The following PPIP5K2 variants were observed in gnomAD, a reference collection of about 807,000 sequenced individuals.
The protein encoded by PPIP5K2 is inositol hexakisphosphate and diphosphoinositol-pentakisphosphate kinase 2.
In PPIP5K2, 105 loss-of-function variants were observed where a neutral mutation model predicts 154.6. The observed-to-expected ratio is 0.68, with a 90% confidence interval of 0.58 to 0.80. The LOEUF is 0.80. Ranked by LOEUF, PPIP5K2 falls within the 30% of genes least tolerant of loss-of-function variation. The pLI, the probability that PPIP5K2 is intolerant of heterozygous loss-of-function variation, is 0.00. For synonymous variants in PPIP5K2, 480 were observed against 490.3 expected (o/e 0.98, Z 0.28); for missense variants, 992 against 1,504.6 (o/e 0.66, Z 5.64).
chr5:103,198,406 G>A (rs1554229273), intron 30 of PPIP5K2, among the ~76,000 whole-genome samples: 1 of 152,058 alleles, frequency 6.6e-6, no homozygotes, highest in East Asian at 1.9e-4. Flanking sequence ...GAAGGTTGTT[G>A]ATAATGTTCA....
At chr5:103,173,996 T>C (rs1414307126) in intron 21 of PPIP5K2, 24 bp downstream of exon 21, 16 of 1,456,278 alleles carry the variant, frequency 1.1e-5, no homozygotes, top group Non-Finnish European at 1.3e-5. Flanking sequence ...GTTATTTCAG[T>C]CTAACAAATA....
At chr5:103,121,487 T>C (rs538616745) in intron 1 of PPIP5K2, among the ~76,000 whole-genome samples, 1 of 152,350 alleles carries the variant, frequency 6.6e-6, no homozygotes, top group South Asian at 2.1e-4. Context: ...TCTGTCTGCC[T>C]TCAAAATCTG....
intron 29 of PPIP5K2, among the ~76,000 whole-genome samples, chr5:103,191,663 C>T (rs1554226984): frequency 6.6e-6 from 1 of 152,072 alleles, no homozygotes; most frequent in Non-Finnish European, 1.5e-5. Flanking sequence ...TATGGTAACA[C>T]ATTAAATATC....
intron 30 of PPIP5K2, among the ~76,000 whole-genome samples, chr5:103,197,939 T>A (rs1802370602): frequency 1.3e-5 from 2 of 151,994 alleles, no homozygotes; most frequent in Admixed American, 6.5e-5. Flanking sequence ...TAAAAATTAT[T>A]TTCTACATCC....
intron 23 of PPIP5K2, among the ~76,000 whole-genome samples, chr5:103,179,075 G>C (rs1483368044): frequency 1.3e-5 from 2 of 151,742 alleles, no homozygotes; most frequent in African/African-American, 4.8e-5. Context: ...TTATGTATAT[G>C]ATCATAACAT....
intron 5 of PPIP5K2, among the ~76,000 whole-genome samples, chr5:103,138,699 A>G (rs113784867): frequency 7.9e-4 from 121 of 152,356 alleles, no homozygotes; most frequent in African/African-American, 2.8e-3. Context: ...TACTTTTGAC[A>G]TATCTCTAAG....
At position 103,203,483 on chromosome 5, in the gene PPIP5K2, A is replaced by G. The variant is rs1285530080; in HGVS notation, c.*1849A>G. 6.6e-6 allele frequency: 1 copy of G among 152,202 alleles called. No individual in the cohort carries two copies. The allele number at this position is 152,202 out of a possible 1,614,324, so 9.4% of individuals were successfully genotyped here. A position where few individuals can be genotyped will look rare whatever the true frequency, so the allele number is the denominator to read the frequency against. On this transcript the variant is annotated 3_prime_UTR_variant, in exon 31 of 31. Coordinates refer to ENST00000358359, the MANE Select transcript of PPIP5K2 (RefSeq NM_001276277.3). ...ACACTCTATTTGTAAAAATCTTAGA[A>G]TCACTTTCCAAAACAAATAAAAAGT... is the stretch of plus-strand genomic sequence containing the variant.
chr5:103,149,088 T>C, intron 7 of PPIP5K2, 64 bp from the exon 8 acceptor site: 1 of 1,190,386 alleles, frequency 8.4e-7, no homozygotes. Context: ...TTGTTGTCTG[T>C]TGGTTACACA....
At position 103,187,349 on chromosome 5, in the gene PPIP5K2, A is replaced by G. The variant is rs116456167; in HGVS notation, c.3325A>G (p.Ile1109Val). The G allele has an allele frequency of 1.2e-3, 1,845 of 1,535,194 alleles. 2 individuals are homozygous for G. The highest frequency in any genetic ancestry group is 1.5e-3 in the Non-Finnish European group (1,663 of 1,146,182). Reference protein sequence around the residue: ...TRGSAVKRFSISFARHPTNGF... With the variant: ...TRGSAVKRFSVSFARHPTNGF... ...CGGTTCTGCTGTTAAAAGGTTTTCT[A>G]TCTCATTTGCTCGACACCCAACCAA... Residue 1109 changes from isoleucine (I) to valine (V), a missense_variant, in exon 28 of 31, where the codon ATC becomes GTC. By Grantham distance (29) the Ile-to-Val change is conservative. This residue lies in a region of PPIP5K2 where 29 missense variants were observed against 56.4 expected (regional missense o/e 0.51). Coordinates refer to ENST00000358359, the MANE Select transcript of PPIP5K2 (RefSeq NM_001276277.3).
Position 103,159,146 on chromosome 5 carries a change from G to T in PPIP5K2, c.1738G>T (p.Gly580Trp). ...VQMTAAAFAK[G>W]LLALEGELTP... ...TGTTTTCTTTATTTAATATGCTTAG[G>T]GGCTTTTAGCTTTGGAAGGAGAGCT... Residue 580 changes from glycine to tryptophan, a missense_variant and splice_region_variant, in exon 17 of 31, where the codon GGG becomes TGG. Coordinates refer to ENST00000358359, the MANE Select transcript of PPIP5K2 (RefSeq NM_001276277.3). 2 of 1,550,782 alleles carry T rather than the reference G, an allele frequency of 1.3e-6. No individual in the cohort carries two copies. Among genetic ancestry groups the T allele is most frequent in the Non-Finnish European group, 1.7e-6 (2 of 1,144,812 alleles).
intron 9 of PPIP5K2, 33 bp downstream of exon 9, chr5:103,151,407 A>G: frequency 6.6e-7 from 1 of 1,509,148 alleles, no homozygotes; most frequent in Non-Finnish European, 9.1e-7. Flanking sequence ...TTTTACCTTC[A>G]TATACTAGTT....
rs538416366 is a variant in PPIP5K2, at chr5:103,212,193, T to G, written c.*10559T>G. 1 of 152,124 alleles carries G rather than the reference T, an allele frequency of 6.6e-6. No individual in the cohort carries two copies. Among genetic ancestry groups the G allele is most frequent in the African/African-American group, 2.4e-5 (1 of 41,402 alleles). 9.4% of individuals were successfully genotyped at this position (152,124 alleles called of 1,614,324 possible). Reference sequence around the variant, plus strand: ...GTTTCTCTTGACTGGACCACAAATATAAAATCTCATGCCCTCTCATTATCT... The same window carrying G: ...GTTTCTCTTGACTGGACCACAAATAGAAAATCTCATGCCCTCTCATTATCT... On this transcript the variant is annotated 3_prime_UTR_variant, in exon 31 of 31. Coordinates refer to ENST00000358359, the MANE Select transcript of PPIP5K2 (RefSeq NM_001276277.3).
chr5:103,145,303 G>A (rs1554208794), intron 5 of PPIP5K2, among the ~76,000 whole-genome samples: 1 of 152,122 alleles, frequency 6.6e-6, no homozygotes, highest in African/African-American at 2.4e-5. Flanking sequence ...TGGTGGGAAT[G>A]TGAATTAGTA....
Position 103,180,153 on chromosome 5 carries a change from C to A in PPIP5K2, c.2887C>A (p.Pro963Thr). ...GCCAATTCATATACACAGGAAGTCT[C>A]CACTTCCAAGATCTAGGAAGACGGC... is the stretch of plus-strand genomic sequence containing the variant. ...SEPIHIHRKS[P>T]LPRSRKTATN... The change falls in exon 24 of 31, where the codon CCA (proline) becomes ACA (threonine). Residue 963 changes from proline to threonine, a missense_variant. Pro to Thr is a conservative substitution (Grantham distance 38). Coordinates refer to ENST00000358359, the MANE Select transcript of PPIP5K2 (RefSeq NM_001276277.3). 1 of 1,596,006 alleles carries A rather than the reference C, an allele frequency of 6.3e-7. No individual in the cohort carries two copies. The highest frequency in any genetic ancestry group is 8.5e-7 in the Non-Finnish European group (1 of 1,173,010).
chr5:103,121,398 G>C (rs1487454502), intron 1 of PPIP5K2, among the ~76,000 whole-genome samples: 1 of 152,136 alleles, frequency 6.6e-6, no homozygotes, highest in Non-Finnish European at 1.5e-5. Context: ...GTTAGAAATG[G>C]AGGCTTTGAA....
At chr5:103,134,339 C>T (rs32849) in intron 3 of PPIP5K2, among the ~76,000 whole-genome samples, 36,914 of 152,008 alleles carry the variant, frequency 0.24, 5,153 homozygotes, top group East Asian at 0.45. Context: ...GCCTAAGAAT[C>T]TGTGAATTAA....
chr5:103,158,081 A>G (rs1296951878), intron 14 of PPIP5K2, 107 bp from the exon 15 acceptor site: 1 of 1,160,732 alleles, frequency 8.6e-7, no homozygotes, highest in East Asian at 2.5e-5. Flanking sequence ...TATCTTACAT[A>G]TGGGCCATAT....
intron 1 of PPIP5K2, among the ~76,000 whole-genome samples, chr5:103,122,764 T>C (rs149329014): frequency 2.4e-4 from 37 of 152,310 alleles, no homozygotes; most frequent in Non-Finnish European, 4.0e-4. Context: ...AGAGATTTAC[T>C]AGTTTATAGT....
rs138575057 is a variant in PPIP5K2, at chr5:103,121,261, A to G, written c.-285+773A>G. The stretch of plus-strand genomic sequence containing the variant: ...AATAGATAATTTTTTTGTCTCAGAT[A>G]GATAAAATAATAACGATAGTTGCCA... On this transcript the variant is annotated intron_variant, in intron 1 of 30. Coordinates refer to ENST00000358359, the MANE Select transcript of PPIP5K2 (RefSeq NM_001276277.3). 1.5e-3 allele frequency among the ~76,000 whole-genome samples: 226 copies of G among 152,188 alleles called. 2 individuals are homozygous for G. The highest frequency in any genetic ancestry group is 0.011 in the Admixed American group (162 of 15,254).
Sources: allele counts gnomAD v4.1 joint callset (sites outside exome capture counted in the v4.1 genomes callset), GRCh38; gene constraint gnomAD v4.1.1; regional missense constraint gnomAD v4.1.1; transcripts MANE v1.5; gene names NCBI Gene and HGNC (gene_info 2026-07-23, HGNC 2026-07-21).